Variants in PCDH11X observed in about 807,000 individuals in gnomAD.
PCDH11X encodes the protein protocadherin 11 X-linked.
Under a neutral mutation model 53.3 loss-of-function variants are expected in PCDH11X, and 18 were observed. The observed-to-expected ratio is 0.34, with a 90% CI of 0.23 to 0.50. The LOEUF is 0.50. Ranked by LOEUF, PCDH11X falls within the 20% of genes least tolerant of loss-of-function variation. The pLI is 0.98. For missense variants in PCDH11X, 570 were observed against 1,032.4 expected, an observed-to-expected ratio of 0.55 and a Z score of 6.14; for synonymous variants, 279 against 393.3, an observed-to-expected ratio of 0.71 and a Z score of 3.44.
chrX:92,076,014 C>T (rs2063767480), intron 6 of PCDH11X, among the ~76,000 whole-genome samples: 1 of 109,938 alleles, frequency 9.1e-6, no homozygotes, highest in African/African-American at 3.3e-5. Flanking sequence ...GTATGCCATG[C>T]CTTAATAAGG....
intron 6 of PCDH11X, among the ~76,000 whole-genome samples, chrX:92,094,771 G>T (rs36095400): frequency 9.0e-6 from 1 of 111,363 alleles, no homozygotes; most frequent in African/African-American, 3.3e-5. Flanking sequence ...ATACCTTCTG[G>T]CTTTGGGGAA....
At chrX:92,235,876 GCTTT>G (rs2067162225) in intron 7 of PCDH11X, among the ~76,000 whole-genome samples, 1 of 110,468 alleles carries the variant, frequency 9.1e-6, no homozygotes, top group South Asian at 3.8e-4. Flanking sequence ...TAGGATTTTG[GCTTT>G]CTTTATCTGA....
chrX:92,337,328 C>A (rs6618973), intron 8 of PCDH11X, among the ~76,000 whole-genome samples: 1 of 110,532 alleles, frequency 9.0e-6, no homozygotes, highest in Non-Finnish European at 1.9e-5. Context: ...TTGCTTATAG[C>A]AGATAAGTAA....
Position 92,540,882 on chromosome X carries a change from C to T in PCDH11X, c.3367+72560C>T, listed in dbSNP as rs764343329. ...CAGAATGGGGACCTCACAACTCTGC[C>T]GGTGCCCTCTACTTCTGTGGCTGAG... On this transcript the variant is annotated intron_variant, in intron 10 of 10. Coordinates refer to ENST00000682573, the MANE Select transcript of PCDH11X (RefSeq NM_032968.5). Among the ~76,000 whole-genome samples the T allele has an allele frequency of 2.3e-3, 251 of 108,230 alleles. 3 individuals carry two copies. Among genetic ancestry groups the T allele is most frequent in the African/African-American group, 8.0e-3 (239 of 29,786 alleles). The allele number at this position is 108,230 out of a possible 115,157, so 94.0% of individuals were successfully genotyped here.
At chrX:92,339,984 A>C (rs1172689579) in intron 8 of PCDH11X, among the ~76,000 whole-genome samples, 1 of 111,574 alleles carries the variant, frequency 9.0e-6, no homozygotes, top group African/African-American at 3.3e-5. Context: ...CTGTAAAATC[A>C]AGCAAGTTAT....
chrX:92,254,362 A>G (rs2067521291), intron 7 of PCDH11X, among the ~76,000 whole-genome samples: 1 of 110,680 alleles, frequency 9.0e-6, no homozygotes. Context: ...TTTCCTGAAA[A>G]CAGCACACTG....
At chrX:92,568,187 C>A (rs1182947635) in intron 10 of PCDH11X, among the ~76,000 whole-genome samples, 3 of 109,830 alleles carry the variant, frequency 2.7e-5, no homozygotes, top group Non-Finnish European at 5.7e-5. Context: ...TTTGGGAGGC[C>A]AAGGCGGGCA....
chrX:91,874,755 G>A (rs955871479), intron 5 of PCDH11X, among the ~76,000 whole-genome samples: 5 of 89,355 alleles, frequency 5.6e-5, no homozygotes, highest in Non-Finnish European at 1.1e-4. Context: ...ACTATATATA[G>A]GCAATTATAA....
At chrX:92,331,163 AT>A (rs948879097) in intron 8 of PCDH11X, among the ~76,000 whole-genome samples, 2 of 109,918 alleles carry the variant, frequency 1.8e-5, no homozygotes, top group Admixed American at 2.0e-4. Context: ...CAACCTTACA[AT>A]GTAGCCTTGT....
At chrX:92,446,229 T>C (rs1199448602) in intron 9 of PCDH11X, among the ~76,000 whole-genome samples, 9 of 110,880 alleles carry the variant, frequency 8.1e-5, no homozygotes, top group Non-Finnish European at 1.7e-4. Context: ...GCAGCCTCTT[T>C]CCTATGTAGT....
At chrX:91,854,388 C>T (rs1393562418) in intron 5 of PCDH11X, among the ~76,000 whole-genome samples, 1 of 112,382 alleles carries the variant, frequency 8.9e-6, no homozygotes, top group Admixed American at 9.4e-5. Flanking sequence ...ATTTCCTTTA[C>T]CCATTCATCT....
intron 8 of PCDH11X, among the ~76,000 whole-genome samples, chrX:92,311,099 A>T (rs1468075981): frequency 8.9e-6 from 1 of 111,742 alleles, no homozygotes; most frequent in Non-Finnish European, 1.9e-5. Context: ...TAACTTTGAT[A>T]TATAAAACAT....
At chrX:92,142,517 G>T (rs1474148954) in intron 6 of PCDH11X, among the ~76,000 whole-genome samples, 1 of 110,831 alleles carries the variant, frequency 9.0e-6, no homozygotes, top group Non-Finnish European at 1.9e-5. Flanking sequence ...ACTGTGCCCG[G>T]CCCAAGTGCT....
chrX:92,311,635 G>T (rs2148482024), intron 8 of PCDH11X, among the ~76,000 whole-genome samples: 1 of 109,863 alleles, frequency 9.1e-6, no homozygotes, highest in African/African-American at 3.3e-5. Context: ...CTCAAAGAAT[G>T]AAATATAATT....
At chrX:92,097,796 C>T (rs779439337) in intron 6 of PCDH11X, among the ~76,000 whole-genome samples, 89 of 110,746 alleles carry the variant, frequency 8.0e-4, no homozygotes, top group African/African-American at 2.8e-3. Context: ...AATCCTTAGA[C>T]GCTCAAGTCC....
intron 10 of PCDH11X, among the ~76,000 whole-genome samples, chrX:92,524,274 T>G (rs1461983809): frequency 9.2e-6 from 1 of 108,799 alleles, no homozygotes; most frequent in East Asian, 2.9e-4. Flanking sequence ...GAATCGGGGT[T>G]TATAATCTGA....
intron 6 of PCDH11X, among the ~76,000 whole-genome samples, chrX:92,081,114 C>T (rs1168604531): frequency 2.0e-4 from 22 of 111,393 alleles, no homozygotes; most frequent in Non-Finnish European, 2.6e-4. Flanking sequence ...TGAATTCCTT[C>T]AATACTAATA....
At chrX:92,216,955 C>T (rs944502410) in intron 7 of PCDH11X, among the ~76,000 whole-genome samples, 5 of 109,253 alleles carry the variant, frequency 4.6e-5, no homozygotes, top group South Asian at 8.1e-4. Context: ...GCAAACTAAG[C>T]TTCATAAGTG....
chrX:92,140,973 TTTTA>T (rs982264243), intron 6 of PCDH11X, among the ~76,000 whole-genome samples: 3 of 111,754 alleles, frequency 2.7e-5, no homozygotes, highest in East Asian at 2.8e-4. Flanking sequence ...TGTTATACAT[TTTTA>T]TTTATTATTA....
Sources: gnomAD v4.1 joint callset for allele counts (sites outside exome capture counted in the v4.1 genomes callset) on GRCh38, gnomAD v4.1.1 for gene constraint, MANE v1.5 for transcripts, NCBI Gene and HGNC (gene_info 2026-07-23, HGNC 2026-07-21) for gene names.